Variants in GPALPP1 observed in about 807,000 individuals in gnomAD.
GPALPP1 encodes GPALPP motifs-containing protein 1.
In GPALPP1, 30 loss-of-function variants were observed where a neutral mutation model predicts 38.9. The observed-to-expected ratio is 0.77, with a 90% CI of 0.58 to 1.05. The LOEUF (loss-of-function observed/expected upper bound fraction) is 1.05, where lower values mean the gene tolerates loss of function less well. GPALPP1 is among the 50% of genes least tolerant of loss of function. GPALPP1 has a pLI of 0.00. For missense variants in GPALPP1, 384 were observed against 408.8 expected, an observed-to-expected ratio of 0.94 and a Z score of 0.52; for synonymous variants, 120 against 139.2, an observed-to-expected ratio of 0.86 and a Z score of 0.97.
In GPALPP1 at chr13:45,014,912, G is replaced by T. The variant is rs572040983; in HGVS notation, c.409-40G>T. 47 of 1,476,328 alleles carry T rather than the reference G, an allele frequency of 3.2e-5. 2 individuals carry two copies. In the South Asian group the frequency reaches 6.5e-4, roughly 21 times the overall value. 91.5% of individuals were successfully genotyped at this position (1,476,328 alleles called of 1,614,324 possible). ...TTAGAATTATTTTTTATAACCTGTA[G>T]CTCTGCTCTTGGTTTAAAGGTAATG... On this transcript the variant is annotated intron_variant, in intron 4 of 7. Transcript: ENST00000379151.
intron 4 of GPALPP1, 144 bp downstream of exon 4, chr13:45,009,023 T>G (rs1383066178): frequency 1.4e-6 from 1 of 707,326 alleles, no homozygotes; most frequent in Non-Finnish European, 2.6e-6. Context: ...TATATTCAGA[T>G]TAATTTAAGA....
chr13:44,995,599 T>C (rs954592851), intron 1 of GPALPP1, among the ~76,000 whole-genome samples: 1 of 152,166 alleles, frequency 6.6e-6, no homozygotes, highest in Admixed American at 6.5e-5. Context: ...AATTACCCCC[T>C]AAGTCCCTGG....
At position 45,024,300 on chromosome 13, in the gene GPALPP1, GTGTGTGTGTT is replaced by G. The variant is rs1875676482; in HGVS notation, c.805-3483_805-3474del. Among the ~76,000 whole-genome samples the G allele has an allele frequency of 3.4e-5, 5 of 148,266 alleles. 1 individual carries two copies. The highest frequency in any genetic ancestry group is 2.2e-4 in the South Asian group (1 of 4,582). On this transcript the variant is annotated intron_variant, in intron 7 of 7. Transcript: ENST00000379151. ...TGTGTGTGTGTGTGTGTGTGTGTGT[GTGTGTGTGTT>G]TTGAGACTGAGTCTCGCTCTGCTCC...
chr13:45,012,972 T>C (rs541764733), intron 4 of GPALPP1, among the ~76,000 whole-genome samples: 32 of 152,306 alleles, frequency 2.1e-4, no homozygotes, highest in Middle Eastern at 3.4e-3. Context: ...AGGTAGTGTA[T>C]CAGCTGAATG....
In GPALPP1 at chr13:45,027,859, T is replaced by G. The variant is rs1251743673; in HGVS notation, c.879T>G (p.Asn293Lys). ...AGAGTAAGGCTGCTGAAGACAAAAA[T>G]AAGCCTCAAGAGAGAATACCATTTG... ...KLKSKAAEDK[N>K]KPQERIPFDR... Residue 293 changes from asparagine to lysine, a missense_variant, in exon 8 of 8, where the codon AAT (asparagine) becomes AAG (lysine). Transcript: ENST00000379151. The G allele has an allele frequency of 6.2e-7, 1 of 1,606,136 alleles. No individual in the cohort carries two copies. Among genetic ancestry groups the G allele is most frequent in the Admixed American group, 1.7e-5 (1 of 59,994 alleles).
At chr13:45,016,306 T>C (rs1016912696) in intron 6 of GPALPP1, among the ~76,000 whole-genome samples, 2 of 151,956 alleles carry the variant, frequency 1.3e-5, no homozygotes, top group African/African-American at 4.8e-5. Context: ...ATAAAAAAAT[T>C]AGCCAGGCGC....
At chr13:44,990,078 G>T (rs1462381225) in intron 1 of GPALPP1, 3 of 506,540 alleles carry the variant, frequency 5.9e-6, no homozygotes, top group Non-Finnish European at 1.0e-5. Context: ...AAATGGGTAC[G>T]CCCAAGCCCA....
chr13:45,032,320 A>G (rs1876237597), downstream of GPALPP1, among the ~76,000 whole-genome samples: 2 of 152,280 alleles, frequency 1.3e-5, no homozygotes, highest in African/African-American at 2.4e-5. Flanking sequence ...TTTAGATGCT[A>G]GCAACCTTGT....
chr13:45,004,402 A>G lies in GPALPP1; in HGVS notation c.186A>G (p.Gln62=), dbSNP rs748047228. Residue 62 remains glutamine (Q), a synonymous_variant, in exon 2 of 8, where the codon CAA becomes CAG. Transcript: ENST00000379151. ...GTTCTTTGTACGAAGAAGGAAATCAAGAATCTGAAGAAGATGACAGTGGTC... is the reference window on the plus strand; with the variant it reads ...GTTCTTTGTACGAAGAAGGAAATCAGGAATCTGAAGAAGATGACAGTGGTC... ...DSSSLYEEGN[Q]ESEEDDSGPT... 1.2e-6 allele frequency: 2 copies of G among 1,609,860 alleles called. No homozygotes were observed. Among genetic ancestry groups the G allele is most frequent in the Non-Finnish European group, 1.7e-6 (2 of 1,176,140 alleles).
chr13:45,019,879 A>ATTT (rs34893767), intron 6 of GPALPP1, among the ~76,000 whole-genome samples: 1,958 of 85,486 alleles, frequency 0.023, 22 homozygotes, highest in East Asian at 0.025. Context: ...TAATATTTTG[A>ATTT]TTTTTTTTTT....
chr13:44,992,671 C>T (rs898057014), intron 1 of GPALPP1, among the ~76,000 whole-genome samples: 1 of 152,092 alleles, frequency 6.6e-6, no homozygotes, highest in Non-Finnish European at 1.5e-5. Context: ...AAATTTTTTG[C>T]CCCTGTAAGG....
In GPALPP1 at chr13:45,015,366, A is replaced by G. The variant is rs143331331; in HGVS notation, c.541-66A>G. 1,113 of 936,268 alleles carry G rather than the reference A, an allele frequency of 1.2e-3. 1 individual carries two copies. Among genetic ancestry groups the G allele is most frequent in the Non-Finnish European group, 1.6e-3 (1,050 of 640,108 alleles). The allele number at this position is 936,268 out of a possible 1,614,324, so 58.0% of individuals were successfully genotyped here. A position where few individuals can be genotyped will look rare whatever the true frequency, so the allele number is the denominator to read the frequency against. The stretch of plus-strand genomic sequence containing the variant: ...AATTGCATGACACAGTTGCTTGTAC[A>G]TATATATGTACTCATCTTATACACG... On this transcript the variant is annotated intron_variant, in intron 5 of 7. Transcript: ENST00000379151.
chr13:44,989,629 T>A lies in GPALPP1; in HGVS notation c.-26T>A. ...GTTGACGTTCGTGGATAGACTCATA[T>A]CTGTGACCAGTGTCCGCCACCGCGG... is the stretch of plus-strand genomic sequence containing the variant. On this transcript the variant is annotated 5_prime_UTR_variant, in exon 1 of 8. Coordinates refer to ENST00000379151, the MANE Select transcript of GPALPP1 (RefSeq NM_018559.5). The A allele has an allele frequency of 1.3e-6, 2 of 1,597,480 alleles. No homozygotes were observed. The highest frequency in any genetic ancestry group is 1.7e-6 in the Non-Finnish European group (2 of 1,165,866).
At chr13:45,010,450 G>A (rs941305640) in intron 4 of GPALPP1, among the ~76,000 whole-genome samples, 6 of 151,422 alleles carry the variant, frequency 4.0e-5, no homozygotes, top group African/African-American at 9.7e-5. Context: ...ACCTCTTTCC[G>A]CTAGAATGTG....
exon 8 of GPALPP1, chr13:45,037,415 A>G (rs1876424155): frequency 6.6e-6 from 1 of 152,244 alleles, no homozygotes; most frequent in African/African-American, 2.4e-5. Flanking sequence ...ACACTTAACA[A>G]AAGCAATTTA....
chr13:45,037,054 T>G (rs886270885), exon 8 of GPALPP1: 7 of 152,188 alleles, frequency 4.6e-5, no homozygotes, highest in African/African-American at 1.7e-4. Context: ...CTAGACAAAT[T>G]TCGAGAACCT....
intron 1 of GPALPP1, among the ~76,000 whole-genome samples, chr13:44,998,479 C>T (rs12874411): frequency 0.53 from 79,885 of 152,044 alleles, 25,638 homozygotes; most frequent in Non-Finnish European, 0.7. Flanking sequence ...TCTTCCTTGA[C>T]CTCACAGCAA....
chr13:45,020,371 A>C lies in GPALPP1; in HGVS notation c.747A>C (p.Glu249Asp), dbSNP rs1367732976. The change falls in exon 7 of 8, where the codon GAA becomes GAC. Residue 249 changes from glutamate (E) to aspartate (D), a missense_variant. Physicochemically the swap from Glu to Asp is conservative, Grantham distance 45. Coordinates refer to ENST00000379151, the MANE Select transcript of GPALPP1 (RefSeq NM_018559.5). ...EARKSSSKKD[E>D]EHILSGRDKR... The stretch of plus-strand genomic sequence containing the variant: ...GGAAGTCATCCAGTAAGAAAGATGA[A>C]GAACATATATTATCAGGAAGAGATA... 2 of 1,547,414 alleles carry C rather than the reference A, an allele frequency of 1.3e-6. No homozygotes were observed. Among genetic ancestry groups the C allele is most frequent in the East Asian group, 4.5e-5 (2 of 44,344 alleles).
chr13:45,026,514 G>A (rs1028662320), intron 7 of GPALPP1, among the ~76,000 whole-genome samples: 3 of 152,068 alleles, frequency 2.0e-5, no homozygotes, highest in Non-Finnish European at 4.4e-5. Context: ...TTACCTTCTA[G>A]ATAAAATAAG....
Sources: allele counts gnomAD v4.1 joint callset (sites outside exome capture counted in the v4.1 genomes callset), GRCh38; gene constraint gnomAD v4.1.1; transcripts MANE v1.5; gene names NCBI Gene and HGNC (gene_info 2026-07-23, HGNC 2026-07-21).